The following RGS6 variants were observed in gnomAD, a reference collection of about 807,000 sequenced individuals.
RGS6 encodes the protein regulator of G protein signaling 6.
Under a neutral mutation model 78.5 loss-of-function variants are expected in RGS6, and 30 were observed. The ratio of observed to expected loss-of-function variants is 0.38; its 90% confidence interval spans 0.29 to 0.52. RGS6 has a LOEUF of 0.52. Among genes scored for constraint, RGS6 ranks in the 20% least tolerant of loss-of-function variants. The pLI, the probability that RGS6 is intolerant of heterozygous loss-of-function variation, is 0.85. For missense variants in RGS6, 495 were observed against 609.7 expected, an observed-to-expected ratio of 0.81 and a Z score of 1.98; for synonymous variants, 206 against 206.0, an observed-to-expected ratio of 1.00 and a Z score of 0.00.
chr14:72,619,424 C>T, the RGS6 span: 127 of 1,510,052 alleles, frequency 8.4e-5, no homozygotes, highest in South Asian at 1.4e-3. Flanking sequence ...GGAGCCCCAC[C>T]CCACTGGCCC....
chr14:72,234,306 T>A (rs553253551), intron 2 of RGS6, among the ~76,000 whole-genome samples: 12 of 151,908 alleles, frequency 7.9e-5, no homozygotes, highest in African/African-American at 2.7e-4. Context: ...AAATTCTGAT[T>A]TGCATAACCA....
intron 2 of RGS6, among the ~76,000 whole-genome samples, chr14:72,276,825 A>G (rs4578585): frequency 0.61 from 92,698 of 151,828 alleles, 28,416 homozygotes; most frequent in Non-Finnish European, 0.64. Context: ...CCAGTCTCAG[A>G]TATGTCTTTA....
intron 2 of RGS6, among the ~76,000 whole-genome samples, chr14:72,254,724 C>T (rs2056684265): frequency 6.6e-6 from 1 of 152,110 alleles, no homozygotes; most frequent in South Asian, 2.1e-4. Context: ...CTCCATGTGT[C>T]AAACTATCAA....
intron 2 of RGS6, among the ~76,000 whole-genome samples, chr14:72,219,031 A>G (rs1214273699): frequency 6.6e-6 from 1 of 151,838 alleles, no homozygotes; most frequent in Non-Finnish European, 1.5e-5. Flanking sequence ...TACAGACTAA[A>G]GTGCCTTTAC....
At chr14:71,897,921 G>A in the RGS6 span, among the ~76,000 whole-genome samples, 1 of 151,762 alleles carries the variant, frequency 6.6e-6, no homozygotes. Flanking sequence ...ACACCCAGGA[G>A]CTTAGAGTAC....
intron 17 of RGS6, among the ~76,000 whole-genome samples, chr14:72,562,164 G>T (rs972580930): frequency 2.0e-5 from 3 of 152,156 alleles, no homozygotes; most frequent in Admixed American, 2.0e-4. Flanking sequence ...ACCACAAAAA[G>T]AGTACCAACA....
At chr14:72,483,343 C>G (rs1309551220) in intron 12 of RGS6, among the ~76,000 whole-genome samples, 2 of 152,116 alleles carry the variant, frequency 1.3e-5, no homozygotes, top group Non-Finnish European at 2.9e-5. Flanking sequence ...TCATCCTCAC[C>G]CTATTACTGG....
chr14:72,618,751 C>T, the RGS6 span, among the ~76,000 whole-genome samples: 19 of 152,190 alleles, frequency 1.2e-4, no homozygotes, highest in African/African-American at 4.1e-4. Flanking sequence ...TCCACAGACA[C>T]CAAGGAACAA....
chr14:72,612,131 G>C, the RGS6 span, among the ~76,000 whole-genome samples: 2 of 152,194 alleles, frequency 1.3e-5, no homozygotes, highest in Non-Finnish European at 2.9e-5. Flanking sequence ...TTTTCCTTCA[G>C]AGGAAAAACC....
In RGS6 at chr14:72,003,730, G is replaced by A. The variant is rs1038582348; in HGVS notation, c.84+38855G>A. On this transcript the variant is annotated intron_variant, in intron 2 of 17. Transcript: ENST00000553525. ...TCTAGGGGATGGGGGAAGGGATGGA[G>A]GGAGGACTGGGTAAAAGGAGAACGT... Among the ~76,000 whole-genome samples the A allele has an allele frequency of 2.1e-4, 32 of 152,210 alleles. 1 individual carries two copies. Among genetic ancestry groups the A allele is most frequent in the Admixed American group, 2.1e-3 (32 of 15,284 alleles).
At chr14:72,269,300 G>C (rs549254303) in intron 2 of RGS6, among the ~76,000 whole-genome samples, 1 of 152,092 alleles carries the variant, frequency 6.6e-6, no homozygotes, top group Non-Finnish European at 1.5e-5. Context: ...CCCATTCTTT[G>C]GGCAATCCCA....
At chr14:72,063,913 A>G (rs983570396) in intron 2 of RGS6, among the ~76,000 whole-genome samples, 1 of 152,082 alleles carries the variant, frequency 6.6e-6, no homozygotes, top group Non-Finnish European at 1.5e-5. Flanking sequence ...GTTGGCCAAG[A>G]AAGTGTAATA....
chr14:72,099,229 G>A (rs527527031), intron 2 of RGS6, among the ~76,000 whole-genome samples: 74 of 152,122 alleles, frequency 4.9e-4, no homozygotes, highest in Middle Eastern at 3.4e-3. Flanking sequence ...GTGCGATCTC[G>A]GCTCCCTGCA....
chr14:72,610,354 C>T, the RGS6 span, among the ~76,000 whole-genome samples: 4 of 152,150 alleles, frequency 2.6e-5, no homozygotes. Context: ...TCCTTCCTAC[C>T]ATAGGAGCCA....
intron 2 of RGS6, among the ~76,000 whole-genome samples, chr14:72,329,856 C>G (rs1364210340): frequency 6.6e-6 from 1 of 152,168 alleles, no homozygotes; most frequent in East Asian, 1.9e-4. Context: ...GCCCTGAGAA[C>G]TGCCGGGAGA....
downstream of RGS6, chr14:72,566,629 T>TCACACACACACACA (rs58800255): frequency 3.8e-5 from 4 of 105,834 alleles, no homozygotes; most frequent in Non-Finnish European, 5.6e-5. Flanking sequence ...TTCCCCATTA[T>TCACACACACACACA]CACACACACA....
chr14:71,907,092 G>A, the RGS6 span, among the ~76,000 whole-genome samples: 2 of 152,238 alleles, frequency 1.3e-5, no homozygotes, highest in Non-Finnish European at 2.9e-5. Flanking sequence ...CATCCCATAT[G>A]TGCCAGACAT....
chr14:72,458,793 G>A (rs1248211962), intron 5 of RGS6, among the ~76,000 whole-genome samples: 1 of 152,148 alleles, frequency 6.6e-6, no homozygotes, highest in African/African-American at 2.4e-5. Flanking sequence ...TGGCAGACAG[G>A]ACCTGGGGCT....
At chr14:72,050,785 A>C (rs1030000704) in intron 2 of RGS6, among the ~76,000 whole-genome samples, 2 of 152,222 alleles carry the variant, frequency 1.3e-5, no homozygotes, top group African/African-American at 4.8e-5. Flanking sequence ...CCCAGGATGC[A>C]AAGCCTGTGT....
Sources: gnomAD v4.1 joint callset for allele counts (sites outside exome capture counted in the v4.1 genomes callset) on GRCh38, gnomAD v4.1.1 for gene constraint, MANE v1.5 for transcripts, NCBI Gene and HGNC (gene_info 2026-07-23, HGNC 2026-07-21) for gene names.